NBPF10: variants seen among roughly 807,000 people sequenced by gnomAD.
NBPF10 encodes NBPF family member NBPF10.
NBPF10 carries 63 observed loss-of-function variants against 77.9 expected under a neutral mutation model. The ratio of observed to expected loss-of-function variants is 0.81; its 90% CI spans 0.66 to 1.00. The LOEUF (loss-of-function observed/expected upper bound fraction) is 1.00. Ranked by LOEUF, NBPF10 falls within the 50% of genes least tolerant of loss-of-function variation. NBPF10 has a pLI of 0.00. For synonymous variants in NBPF10, 146 were observed against 264.5 expected (o/e 0.55, Z 4.35); for missense variants, 522 against 679.8 (o/e 0.77, Z 2.58).
At chr1:146,073,529 C>T in exon 81 of NBPF10, 1 of 100,856 alleles carries the variant, frequency 9.9e-6, no homozygotes, top group Non-Finnish European at 1.9e-5. Context: ...GGTCTTCTTC[C>T]ACTTCTTGGT....
In NBPF10 at chr1:146,126,421, GA is replaced by G; in HGVS notation, c.1854-14del. 8.8e-7 allele frequency: 1 copy of G among 1,130,484 alleles called. No homozygotes were observed. The allele number at this position is 1,130,484 out of a possible 1,614,324, so 70.0% of individuals were successfully genotyped here. On this transcript the variant is annotated splice_polypyrimidine_tract_variant and intron_variant, in intron 13 of 89. Transcript: ENST00000583866. ...CTCCCTGCTGAGCGTGGAAAAGTAG[GA>G]AAAAGTAAAGAATAAGCCAGGGGGA...
In NBPF10 at chr1:146,140,339, C is replaced by A; in HGVS notation, c.566+145G>T. On this transcript the variant is annotated intron_variant, in intron 4 of 89. Coordinates refer to ENST00000583866, the Ensembl canonical transcript of NBPF10. ...TAGAGAAACACGACAGCTGCCGCAC[C>A]CTGTGTCTAAGCTGGGTTCAATTTC... 2.4e-6 allele frequency: 2 copies of A among 824,184 alleles called. 1 individual carries two copies. 51.1% of individuals were successfully genotyped at this position (824,184 alleles called of 1,614,324 possible). A position where few individuals can be genotyped will look rare whatever the true frequency, so the allele number is the denominator to read the frequency against.
At position 146,140,388 on chromosome 1, in the gene NBPF10, G is replaced by A. The variant is rs1188738165; in HGVS notation, c.566+96C>T. ...TCACATACTGTGGCCAAGGGAATGC[G>A]GGCATTTGGCCCATCATAGATGCCA... is the stretch of plus-strand genomic sequence containing the variant. On this transcript the variant is annotated intron_variant, in intron 4 of 89. Transcript: ENST00000583866. 1.2e-5 allele frequency: 10 copies of A among 832,738 alleles called. 1 individual carries two copies. The highest frequency in any genetic ancestry group is 9.3e-5 in the Admixed American group (4 of 43,226). The allele number at this position is 832,738 out of a possible 1,614,324, so 51.6% of individuals were successfully genotyped here. A position where few individuals can be genotyped will look rare whatever the true frequency, so the allele number is the denominator to read the frequency against.
chr1:146,135,932 TGAAA>T (rs1553794731), intron 7 of NBPF10, among the ~76,000 whole-genome samples: 11 of 146,160 alleles, frequency 7.5e-5, no homozygotes, highest in Non-Finnish European at 1.5e-5. Context: ...ATTGAAAAGA[TGAAA>T]GAAGAAAAGA....
At position 146,142,534 on chromosome 1, in the gene NBPF10, T is replaced by C; in HGVS notation, c.278+116A>G. 1.1e-5 allele frequency: 7 copies of C among 613,584 alleles called. 2 individuals carry two copies. The highest frequency in any genetic ancestry group is 9.5e-5 in the South Asian group (5 of 52,458). 38.0% of individuals were successfully genotyped at this position (613,584 alleles called of 1,614,324 possible). ...ATATTTGTGTGTCATGAGCCTGCCATGGCAATTTCTGCCCTTCCCCTGGCC... is the reference window on the plus strand; with the variant it reads ...ATATTTGTGTGTCATGAGCCTGCCACGGCAATTTCTGCCCTTCCCCTGGCC... On this transcript the variant is annotated intron_variant, in intron 2 of 89. Transcript: ENST00000583866.
Position 146,129,398 on chromosome 1 carries a change from A to T in NBPF10, c.1638-1116T>A, listed in dbSNP as rs587748734. ...TCAAGTGCAAGAAATGGTATCAGTG[A>T]TTCAAGATCAAATTAGTGAAATGAA... On this transcript the variant is annotated intron_variant, in intron 11 of 89. Transcript: ENST00000583866. Among the ~76,000 whole-genome samples, 8 of 134,814 alleles carry T rather than the reference A, an allele frequency of 5.9e-5. No individual in the cohort carries two copies. In the South Asian group the frequency reaches 1.2e-3, roughly 20 times the overall value. 88.4% of individuals were successfully genotyped at this position (134,814 alleles called of 152,430 possible). A position where few individuals can be genotyped will look rare whatever the true frequency, so the allele number is the denominator to read the frequency against.
At chr1:146,069,202 G>A (rs61813413) in intron 86 of NBPF10, among the ~76,000 whole-genome samples, 1 of 86,012 alleles carries the variant, frequency 1.2e-5, no homozygotes, top group Non-Finnish European at 2.4e-5. Flanking sequence ...GAGGATTGTA[G>A]ACGCTGAAAT....
chr1:146,126,181 G>C (rs587635939), intron 14 of NBPF10, 55 bp downstream of exon 14: 7 of 947,288 alleles, frequency 7.4e-6, no homozygotes, highest in Non-Finnish European at 1.2e-5. Flanking sequence ...GTAGGAATAT[G>C]ACCCTAACCA....
chr1:146,136,221 T>C lies in NBPF10; in HGVS notation c.1091+132A>G, dbSNP rs1184904890. 12 of 810,146 alleles carry C rather than the reference T, an allele frequency of 1.5e-5. 1 individual carries two copies. The highest frequency in any genetic ancestry group is 7.0e-5 in the African/African-American group (4 of 56,854). 50.2% of individuals were successfully genotyped at this position (810,146 alleles called of 1,614,324 possible). ...CCTTCTTCTCTGATAAATATTTGTG[T>C]GTAGCGAGCCTGCCATGGCAATTCC... On this transcript the variant is annotated intron_variant, in intron 7 of 89. Coordinates refer to ENST00000583866, the Ensembl canonical transcript of NBPF10.
chr1:146,067,152 C>T (rs371937262), intron 89 of NBPF10, 28 bp downstream of exon 89: 44,422 of 475,472 alleles, frequency 0.093, 10,362 homozygotes, highest in Non-Finnish European at 0.12. Flanking sequence ...TAACACAGAA[C>T]TAAGGATCCA....
rs781928106 is a variant in NBPF10, at chr1:146,126,012, GT to G, written c.2026+223del. 1.1e-4 allele frequency among the ~76,000 whole-genome samples: 16 copies of G among 151,700 alleles called. 1 individual carries two copies. The highest frequency in any genetic ancestry group is 2.1e-4 in the Non-Finnish European group (14 of 67,880). On this transcript the variant is annotated intron_variant, in intron 14 of 89. Transcript: ENST00000583866. ...CCAACATCTTGAGAGTAGGATTATGGTGCCACAGGCATGGCCTGAGACTAGG... is the reference window on the plus strand; with the variant it reads ...CCAACATCTTGAGAGTAGGATTATGGGCCACAGGCATGGCCTGAGACTAGG...
In NBPF10 at chr1:146,142,586, G is replaced by A. The variant is rs1368538019; in HGVS notation, c.278+64C>T. Reference sequence around the variant, plus strand: ...AGCTTCGTTCTTACTTCTCCCCGCCGAGCTGCTGTACTTCAGAGATCTACA... The same window carrying A: ...AGCTTCGTTCTTACTTCTCCCCGCCAAGCTGCTGTACTTCAGAGATCTACA... On this transcript the variant is annotated intron_variant, in intron 2 of 89. Transcript: ENST00000583866. 12 of 822,922 alleles carry A rather than the reference G, an allele frequency of 1.5e-5. 2 individuals are homozygous for A. Among genetic ancestry groups the A allele is most frequent in the African/African-American group, 7.5e-5 (4 of 53,164 alleles). 51.0% of individuals were successfully genotyped at this position (822,922 alleles called of 1,614,324 possible). A position where few individuals can be genotyped will look rare whatever the true frequency, so the allele number is the denominator to read the frequency against.
rs368335096 is a variant in NBPF10 at position 146,067,300 on chromosome 1, T to G, written c.11036-12A>C. The G allele has an allele frequency of 7.6e-6, 4 of 525,426 alleles. No homozygotes were observed. The highest frequency in any genetic ancestry group is 6.8e-5 in the African/African-American group (2 of 29,536). The allele number at this position is 525,426 out of a possible 1,614,324, so 32.5% of individuals were successfully genotyped here. ...CTTCTTTTCAATTTCTGCAATAAAT[T>G]CAGACATGGACAGACACATTAAGCT... On this transcript the variant is annotated splice_polypyrimidine_tract_variant and intron_variant, in intron 88 of 89. Coordinates refer to ENST00000583866, the Ensembl canonical transcript of NBPF10.
intron 89 of NBPF10, among the ~76,000 whole-genome samples, 168 bp from the exon 90 acceptor site, chr1:146,066,729 C>T (rs1309232761): frequency 2.6e-4 from 38 of 148,216 alleles, no homozygotes; most frequent in African/African-American, 8.9e-4. Flanking sequence ...TAGAACAGGG[C>T]CAGGTAGAAA....
At chr1:146,066,953 G>A (rs1296975143) in intron 89 of NBPF10, among the ~76,000 whole-genome samples, 10 of 145,696 alleles carry the variant, frequency 6.9e-5, no homozygotes, top group African/African-American at 2.4e-4. Flanking sequence ...CAGTGGCCAT[G>A]AGAGTACAGC....
At position 146,076,238 on chromosome 1, in the gene NBPF10, G is replaced by GACACAC. The variant is rs1213507335; in HGVS notation, c.9624-203_9624-198dup. ...AAAGAATGAAAGAGAAAGACAGATA[G>GACACAC]ACACACACACACACACACACACACA... On this transcript the variant is annotated intron_variant, in intron 77 of 89. Coordinates refer to ENST00000583866, the Ensembl canonical transcript of NBPF10. 3.7e-3 allele frequency among the ~76,000 whole-genome samples: 20 copies of GACACAC among 5,334 alleles called. 2 individuals carry two copies. The highest frequency in any genetic ancestry group is 8.6e-3 in the South Asian group (1 of 116). The allele number at this position is 5,334 out of a possible 152,430, so 3.5% of individuals were successfully genotyped here. A position where few individuals can be genotyped will look rare whatever the true frequency, so the allele number is the denominator to read the frequency against.
chr1:146,069,666 A>C, exon 86 of NBPF10: 2 of 1,282,394 alleles, frequency 1.6e-6, no homozygotes, highest in South Asian at 1.2e-5. Flanking sequence ...CTATCCAGTG[A>C]GTCCTGCAAG....
intron 11 of NBPF10, among the ~76,000 whole-genome samples, chr1:146,129,913 T>A (rs1378154821): frequency 0.038 from 3,718 of 96,800 alleles, 157 homozygotes; most frequent in Non-Finnish European, 0.043. Context: ...ATATATATAT[T>A]TTTTAATACT....
chr1:146,125,903 A>T (rs1487353106), intron 14 of NBPF10, among the ~76,000 whole-genome samples: 2 of 151,490 alleles, frequency 1.3e-5, no homozygotes, highest in South Asian at 2.1e-4. Context: ...TAGACGCTGA[A>T]ATTAGAGTAA....
Sources: allele counts gnomAD v4.1 joint callset (sites outside exome capture counted in the v4.1 genomes callset), GRCh38; gene constraint gnomAD v4.1.1; transcripts MANE v1.5; gene names NCBI Gene and HGNC (gene_info 2026-07-23, HGNC 2026-07-21).